RAP1A: variants seen among roughly 807,000 people sequenced by gnomAD.
The protein encoded by RAP1A is ras-related protein Rap-1A.
In RAP1A, 6 loss-of-function variants were observed where a neutral mutation model predicts 26.4. The ratio of observed to expected loss-of-function variants is 0.23; its 90% confidence interval spans 0.12 to 0.45. RAP1A has a LOEUF of 0.45. Among genes scored for constraint, RAP1A ranks in the 20% least tolerant of loss-of-function variants. The pLI, the probability that RAP1A is intolerant of heterozygous loss-of-function variation, is 0.99. For synonymous variants in RAP1A, 73 were observed against 79.4 expected (o/e 0.92, Z 0.43); for missense variants, 121 against 217.2 (o/e 0.56, Z 2.78).
chr1:111,645,691 C>T (rs1042989611), intron 1 of RAP1A, among the ~76,000 whole-genome samples: 2 of 152,124 alleles, frequency 1.3e-5, no homozygotes, highest in South Asian at 2.1e-4. Context: ...CTCAAATAAC[C>T]CTGCGAGCCA....
intron 1 of RAP1A, among the ~76,000 whole-genome samples, chr1:111,630,428 A>AT (rs1425956870): frequency 6.6e-6 from 1 of 152,202 alleles, no homozygotes; most frequent in East Asian, 1.9e-4. Flanking sequence ...GGAACCACAG[A>AT]TTTAGCAGTG....
chr1:111,627,190 A>G (rs3904831), intron 1 of RAP1A, among the ~76,000 whole-genome samples: 70,330 of 151,926 alleles, frequency 0.46, 16,359 homozygotes, highest in Middle Eastern at 0.58. Context: ...CCATGATCCT[A>G]TCATCCAGAA....
chr1:111,640,621 G>C (rs892212042), intron 1 of RAP1A, among the ~76,000 whole-genome samples: 1 of 152,108 alleles, frequency 6.6e-6, no homozygotes, highest in African/African-American at 2.4e-5. Flanking sequence ...TAATAATAAA[G>C]TAATCCTTGA....
chr1:111,621,238 G>T lies in RAP1A; in HGVS notation c.-28+1304G>T, dbSNP rs1396285539. Among the ~76,000 whole-genome samples, 3 of 152,262 alleles carry T rather than the reference G, an allele frequency of 2.0e-5. No homozygotes were observed. In the East Asian group the frequency reaches 5.8e-4, roughly 29 times the overall value. On this transcript the variant is annotated intron_variant, in intron 1 of 7. Transcript: ENST00000369709. The stretch of plus-strand genomic sequence containing the variant: ...AGAGATGCTGCTGGAAACAGGATTT[G>T]GAAACTTTCTTTGGGTTTCCTGTCA...
intron 1 of RAP1A, chr1:111,563,832 C>T (rs1373566688): frequency 6.2e-7 from 1 of 1,606,430 alleles, no homozygotes; most frequent in Non-Finnish European, 8.5e-7. Context: ...GCTATATTTT[C>T]TGCTATGACT....
chr1:111,650,457 G>A (rs1373391126), intron 1 of RAP1A: 1 of 152,164 alleles, frequency 6.6e-6, no homozygotes, highest in Non-Finnish European at 1.5e-5. Flanking sequence ...TCATGAATTT[G>A]TGTGTCATTC....
Position 111,709,275 on chromosome 1 carries a change from A to G in RAP1A, c.*29+11A>G. ...GCAGCTCTGAGCCAGGTAAGATGCT[A>G]AAAGCAGAACAAGTGCCTTTCTCAT... On this transcript the variant is annotated intron_variant, in intron 7 of 7. Coordinates refer to ENST00000369709, the MANE Select transcript of RAP1A (RefSeq NM_002884.4). 3 of 1,575,792 alleles carry G rather than the reference A, an allele frequency of 1.9e-6. No individual in the cohort carries two copies. Among genetic ancestry groups the G allele is most frequent in the Non-Finnish European group, 2.6e-6 (3 of 1,167,798 alleles).
At chr1:111,668,005 C>A (rs540676691) in intron 1 of RAP1A, among the ~76,000 whole-genome samples, 3 of 152,186 alleles carry the variant, frequency 2.0e-5, no homozygotes, top group Non-Finnish European at 4.4e-5. Flanking sequence ...CCCCTCCCCA[C>A]CCCTACTCCT....
At chr1:111,544,691 A>G (rs1397035022) in intron 1 of RAP1A, among the ~76,000 whole-genome samples, 1 of 152,156 alleles carries the variant, frequency 6.6e-6, no homozygotes, top group Non-Finnish European at 1.5e-5. Flanking sequence ...GCGTGAACAT[A>G]TGTTTTTGAA....
intron 1 of RAP1A, among the ~76,000 whole-genome samples, chr1:111,659,404 A>G (rs1281655244): frequency 2.6e-5 from 4 of 152,176 alleles, no homozygotes; most frequent in Non-Finnish European, 5.9e-5. Context: ...TGAAATTGCA[A>G]AAAGCAAAAC....
At chr1:111,686,195 G>A (rs1421192948) in intron 1 of RAP1A, among the ~76,000 whole-genome samples, 1 of 152,118 alleles carries the variant, frequency 6.6e-6, no homozygotes, top group Non-Finnish European at 1.5e-5. Context: ...GATGGGTGCA[G>A]CAAACCACCA....
At chr1:111,662,092 A>C (rs1217348125) in intron 1 of RAP1A, among the ~76,000 whole-genome samples, 1 of 151,792 alleles carries the variant, frequency 6.6e-6, no homozygotes, top group Non-Finnish European at 1.5e-5. Flanking sequence ...ACCTTCTCTC[A>C]TCTGAAAAAA....
chr1:111,577,883 T>C (rs1658177607), intron 1 of RAP1A, among the ~76,000 whole-genome samples: 1 of 152,152 alleles, frequency 6.6e-6, no homozygotes, highest in African/African-American at 2.4e-5. Context: ...TCCTAAAGTC[T>C]ACTACACTGC....
At chr1:111,651,299 T>C (rs1660260393) in intron 1 of RAP1A, among the ~76,000 whole-genome samples, 1 of 152,112 alleles carries the variant, frequency 6.6e-6, no homozygotes, top group African/African-American at 2.4e-5. Context: ...TTTAAGTTAA[T>C]TGATTATAAT....
chr1:111,661,805 A>C (rs1660646636), intron 1 of RAP1A, among the ~76,000 whole-genome samples: 1 of 151,910 alleles, frequency 6.6e-6, no homozygotes, highest in Non-Finnish European at 1.5e-5. Flanking sequence ...TCCCAGAAAA[A>C]AAAAAAAAAA....
At position 111,659,341 on chromosome 1, in the gene RAP1A, GTCTC is replaced by G. The variant is rs529545267; in HGVS notation, c.-27-31984_-27-31981del. ...CTTTATTAAAAGTTATGTGAAAGTA[GTCTC>G]TCTCTCTCAATATTGTAATATTTTT... On this transcript the variant is annotated intron_variant, in intron 1 of 7. Coordinates refer to ENST00000369709, the MANE Select transcript of RAP1A (RefSeq NM_002884.4). 5.9e-5 allele frequency among the ~76,000 whole-genome samples: 9 copies of G among 152,102 alleles called. No individual in the cohort carries two copies. The South Asian group carries it at 1.0e-3, about 18-fold the overall frequency.
intron 1 of RAP1A, among the ~76,000 whole-genome samples, chr1:111,622,900 G>A (rs1398848172): frequency 6.6e-6 from 1 of 152,128 alleles, no homozygotes; most frequent in Non-Finnish European, 1.5e-5. Context: ...TCTTGCCAGT[G>A]TTTAGTTTTA....
intron 1 of RAP1A, among the ~76,000 whole-genome samples, chr1:111,561,341 C>T (rs188921429): frequency 2.0e-5 from 3 of 152,270 alleles, no homozygotes; most frequent in Non-Finnish European, 2.9e-5. Context: ...CCAGGCTGGT[C>T]TCAAACTCCT....
chr1:111,704,503 G>A lies in RAP1A; in HGVS notation c.468+17G>A, dbSNP rs1253525082. 1.3e-6 allele frequency: 2 copies of A among 1,589,382 alleles called. No individual in the cohort carries two copies. The highest frequency in any genetic ancestry group is 3.5e-5 in the Admixed American group (2 of 57,076). ...GTTAATGAGGTAACCTACAACTGCT[G>A]GGCAGCACAAACAAGTGCCTTTTTA... On this transcript the variant is annotated intron_variant, in intron 6 of 7. Transcript: ENST00000369709.
Sources: gnomAD v4.1 joint callset for allele counts (sites outside exome capture counted in the v4.1 genomes callset) on GRCh38, gnomAD v4.1.1 for gene constraint, MANE v1.5 for transcripts, NCBI Gene and HGNC (gene_info 2026-07-23, HGNC 2026-07-21) for gene names.